Variants in PRKCE observed in about 807,000 individuals in gnomAD.
The protein encoded by PRKCE is protein kinase C epsilon type.
A neutral mutation model predicts 85.4 loss-of-function variants in PRKCE; 16 were observed. That is an observed-to-expected ratio of 0.19 (90% CI 0.13 to 0.28). The LOEUF is 0.28. Among genes scored for constraint, PRKCE ranks in the 10% least tolerant of loss-of-function variants. The pLI is 1.00. For synonymous variants in PRKCE, 388 were observed against 371.5 expected (o/e 1.04, Z -0.51); for missense variants, 573 against 975.2 (o/e 0.59, Z 5.49).
chr2:46,013,895 A>G (rs1441152153), intron 10 of PRKCE, among the ~76,000 whole-genome samples: 3 of 152,356 alleles, frequency 2.0e-5, no homozygotes, highest in East Asian at 1.9e-4. Flanking sequence ...AGAAGTGTGT[A>G]AAGTGATGTC....
chr2:45,767,933 A>G (rs1471830284), intron 1 of PRKCE, among the ~76,000 whole-genome samples: 2 of 152,242 alleles, frequency 1.3e-5, no homozygotes, highest in Non-Finnish European at 2.9e-5. Flanking sequence ...AAAATACCTC[A>G]AAGAGCAAAA....
At chr2:45,703,469 T>A (rs1678847353) in intron 1 of PRKCE, among the ~76,000 whole-genome samples, 1 of 151,968 alleles carries the variant, frequency 6.6e-6, no homozygotes, top group African/African-American at 2.4e-5. Flanking sequence ...ACCCCTAAGT[T>A]TGAGGCTGCA....
chr2:45,856,814 C>A (rs908606132), intron 2 of PRKCE, among the ~76,000 whole-genome samples: 1 of 152,138 alleles, frequency 6.6e-6, no homozygotes, highest in South Asian at 2.1e-4. Flanking sequence ...GTTTGTCTTT[C>A]TGTGCCTGGC....
chr2:45,829,637 A>G (rs1050478589), intron 1 of PRKCE, among the ~76,000 whole-genome samples: 1 of 152,218 alleles, frequency 6.6e-6, no homozygotes, highest in Non-Finnish European at 1.5e-5. Flanking sequence ...AGCATAGAGC[A>G]GCTTCTCTGC....
chr2:45,829,593 G>C (rs1019201272), intron 1 of PRKCE, among the ~76,000 whole-genome samples: 1 of 152,202 alleles, frequency 6.6e-6, no homozygotes, highest in African/African-American at 2.4e-5. Flanking sequence ...TCTGGAGCTA[G>C]AGCCCAGAAC....
chr2:45,877,030 A>G (rs893888759), intron 2 of PRKCE, among the ~76,000 whole-genome samples: 6 of 152,204 alleles, frequency 3.9e-5, no homozygotes, highest in South Asian at 2.1e-4. Flanking sequence ...ATTAAAGTTA[A>G]CCAGAACTTT....
At chr2:46,035,900 G>C (rs1025266535) in intron 10 of PRKCE, among the ~76,000 whole-genome samples, 4 of 152,260 alleles carry the variant, frequency 2.6e-5, no homozygotes, top group Non-Finnish European at 5.9e-5. Flanking sequence ...AGAGCTTCAA[G>C]TAGTGGCAGA....
At chr2:46,147,167 C>G (rs1676148617) in intron 12 of PRKCE, among the ~76,000 whole-genome samples, 1 of 152,148 alleles carries the variant, frequency 6.6e-6, no homozygotes, top group African/African-American at 2.4e-5. Flanking sequence ...GGATTTCAGT[C>G]TTTCTGCAAA....
chr2:46,120,915 A>G (rs1253480328), intron 11 of PRKCE, among the ~76,000 whole-genome samples: 4 of 152,214 alleles, frequency 2.6e-5, no homozygotes, highest in Non-Finnish European at 5.9e-5. Context: ...TATTAATATC[A>G]GTTTTCCACC....
intron 11 of PRKCE, among the ~76,000 whole-genome samples, chr2:46,088,974 A>G (rs999351403): frequency 2.0e-5 from 3 of 152,162 alleles, no homozygotes; most frequent in African/African-American, 7.2e-5. Flanking sequence ...TTCACTAATC[A>G]TTTTAGGTAC....
intron 11 of PRKCE, among the ~76,000 whole-genome samples, chr2:46,094,909 A>G (rs929072969): frequency 6.6e-6 from 1 of 151,890 alleles, no homozygotes; most frequent in Non-Finnish European, 1.5e-5. Flanking sequence ...TTGAATTCTC[A>G]ATCATTTGTA....
intron 1 of PRKCE, among the ~76,000 whole-genome samples, chr2:45,722,978 T>G (rs1471411275): frequency 6.6e-6 from 1 of 152,016 alleles, no homozygotes; most frequent in Non-Finnish European, 1.5e-5. Flanking sequence ...GAGGGGCACC[T>G]TAATCCCAGC....
chr2:46,140,993 A>G (rs1675461176), intron 11 of PRKCE, among the ~76,000 whole-genome samples: 1 of 152,188 alleles, frequency 6.6e-6, no homozygotes, highest in South Asian at 2.1e-4. Flanking sequence ...TTGATAATAT[A>G]CCATGTTGGG....
intron 2 of PRKCE, among the ~76,000 whole-genome samples, chr2:45,950,165 G>A (rs1237725179): frequency 6.6e-6 from 1 of 152,130 alleles, no homozygotes; most frequent in Non-Finnish European, 1.5e-5. Flanking sequence ...GGCATCCTGG[G>A]AACATAACAA....
At chr2:46,144,538 C>T (rs757730117) in intron 11 of PRKCE, among the ~76,000 whole-genome samples, 5 of 152,164 alleles carry the variant, frequency 3.3e-5, no homozygotes, top group Non-Finnish European at 5.9e-5. Context: ...TATCTTCTAA[C>T]CATGTTTCTC....
intron 1 of PRKCE, among the ~76,000 whole-genome samples, chr2:45,762,052 C>T (rs746680196): frequency 5.9e-5 from 9 of 152,158 alleles, no homozygotes; most frequent in Non-Finnish European, 1.0e-4. Context: ...CCTTGGTTGG[C>T]GTGCACCATT....
intron 13 of PRKCE, 33 bp downstream of exon 13, chr2:46,151,262 C>T: frequency 6.5e-7 from 1 of 1,527,074 alleles, no homozygotes; most frequent in Non-Finnish European, 8.9e-7. Context: ...TGGCTGTGCT[C>T]TCCTGGGCTC....
chr2:45,732,931 C>G (rs78031184), intron 1 of PRKCE, among the ~76,000 whole-genome samples: 6 of 152,130 alleles, frequency 3.9e-5, no homozygotes, highest in African/African-American at 7.2e-5. Context: ...GATCAAGGGT[C>G]GACGACTTTC....
At chr2:45,832,997 CGT>C (rs1282410141) in intron 1 of PRKCE, among the ~76,000 whole-genome samples, 2 of 151,868 alleles carry the variant, frequency 1.3e-5, no homozygotes, top group Non-Finnish European at 2.9e-5. Flanking sequence ...AACAAATGAT[CGT>C]GTCTTGGCTT....
Sources: allele counts gnomAD v4.1 joint callset (sites outside exome capture counted in the v4.1 genomes callset), GRCh38; gene constraint gnomAD v4.1.1; transcripts MANE v1.5; gene names NCBI Gene and HGNC (gene_info 2026-07-23, HGNC 2026-07-21).